Variants in MAP2K1 observed in about 807,000 individuals in gnomAD.
The protein encoded by MAP2K1 is mitogen-activated protein kinase kinase 1.
Under a neutral mutation model 46.3 loss-of-function variants are expected in MAP2K1, and 16 were observed. That is an observed-to-expected ratio of 0.35 (90% CI 0.23 to 0.52). The LOEUF is 0.52. Among genes scored for constraint, MAP2K1 ranks in the 20% least tolerant of loss-of-function variants. The pLI is 0.94. For missense variants in MAP2K1, 263 were observed against 497.1 expected (o/e 0.53, Z 4.48); for synonymous variants, 183 against 185.6 (o/e 0.99, Z 0.11).
chr15:66,483,212 A>T (rs986588788), intron 6 of MAP2K1, among the ~76,000 whole-genome samples: 2 of 152,124 alleles, frequency 1.3e-5, no homozygotes, highest in Non-Finnish European at 2.9e-5. Flanking sequence ...CAGTGTGAAC[A>T]CATCCTCATT....
At chr15:66,481,712 A>G in intron 5 of MAP2K1, 43 bp from the exon 6 acceptor site, 2 of 1,605,256 alleles carry the variant, frequency 1.2e-6, no homozygotes, top group Non-Finnish European at 1.7e-6. Context: ...TCCCCAATCT[A>G]CCTGTGTCAG....
intron 6 of MAP2K1, among the ~76,000 whole-genome samples, chr15:66,484,211 G>C (rs1205369854): frequency 6.7e-6 from 1 of 149,954 alleles, no homozygotes; most frequent in Non-Finnish European, 1.5e-5. Flanking sequence ...GCAGTGGTGC[G>C]ATCTTGGCTC....
At chr15:66,403,442 T>C (rs1363138178) in intron 1 of MAP2K1, among the ~76,000 whole-genome samples, 1 of 152,178 alleles carries the variant, frequency 6.6e-6, no homozygotes, top group Non-Finnish European at 1.5e-5. Context: ...GAGGGCCTAT[T>C]TTTAAGCTTC....
chr15:66,441,565 G>A (rs2093503713), intron 3 of MAP2K1, among the ~76,000 whole-genome samples: 1 of 152,068 alleles, frequency 6.6e-6, no homozygotes, highest in African/African-American at 2.4e-5. Flanking sequence ...CAACTACACG[G>A]AAGGCTGAGG....
At chr15:66,459,423 C>T (rs1203151130) in intron 5 of MAP2K1, among the ~76,000 whole-genome samples, 1 of 151,514 alleles carries the variant, frequency 6.6e-6, no homozygotes, top group Admixed American at 6.6e-5. Context: ...TCGAAAACAG[C>T]TTGACCAACA....
At position 66,408,817 on chromosome 15, in the gene MAP2K1, T is replaced by C. The variant is rs111895543; in HGVS notation, c.80+21390T>C. Among the ~76,000 whole-genome samples the C allele has an allele frequency of 9.0e-4, 137 of 152,292 alleles. 2 individuals are homozygous for C. Among genetic ancestry groups the C allele is most frequent in the Middle Eastern group, 3.4e-3 (1 of 294 alleles). On this transcript the variant is annotated intron_variant, in intron 1 of 10. Transcript: ENST00000307102. ...ACGTCAAAGCTCAACTTGGAGGTCA[T>C]GTCTTATGTAAATCCATCACAGACC... is the stretch of plus-strand genomic sequence containing the variant.
At chr15:66,433,881 A>C (rs546459115) in intron 1 of MAP2K1, among the ~76,000 whole-genome samples, 3 of 152,128 alleles carry the variant, frequency 2.0e-5, no homozygotes, top group South Asian at 2.1e-4. Flanking sequence ...CTGTTAACCA[A>C]CTCACAGGAG....
chr15:66,421,975 C>T (rs2093444869), intron 1 of MAP2K1, among the ~76,000 whole-genome samples: 1 of 151,394 alleles, frequency 6.6e-6, no homozygotes, highest in Non-Finnish European at 1.5e-5. Context: ...ATATCCTCAA[C>T]TACACAGCTG....
intron 1 of MAP2K1, among the ~76,000 whole-genome samples, chr15:66,430,253 T>A (rs1595858674): frequency 6.6e-6 from 1 of 152,158 alleles, no homozygotes; most frequent in Admixed American, 6.5e-5. Flanking sequence ...GCTTGCCAGA[T>A]GCCACAGGGG....
intron 7 of MAP2K1, 71 bp from the exon 8 acceptor site, chr15:66,487,157 C>A: frequency 7.5e-7 from 1 of 1,329,432 alleles, no homozygotes; most frequent in South Asian, 1.2e-5. Context: ...GGATCCATGC[C>A]CAACCCCTTG....
chr15:66,447,901 A>C (rs1293294661), intron 5 of MAP2K1, among the ~76,000 whole-genome samples: 2 of 151,812 alleles, frequency 1.3e-5, no homozygotes, highest in African/African-American at 2.4e-5. Context: ...CTATAATCCC[A>C]GCACTTTGGG....
chr15:66,436,678 G>A lies in MAP2K1; in HGVS notation c.292-68G>A, dbSNP rs2140582745. ...CTTAAAGAGCTTAAACATTTAACAA[G>A]ACTATATCTTTCATCCCTTCCTCCC... On this transcript the variant is annotated intron_variant, in intron 2 of 10. Coordinates refer to ENST00000307102, the MANE Select transcript of MAP2K1 (RefSeq NM_002755.4). The A allele has an allele frequency of 3.4e-6, 5 of 1,455,218 alleles. No homozygotes were observed. The South Asian group carries it at 4.6e-5, about 13-fold the overall frequency. The allele number at this position is 1,455,218 out of a possible 1,614,324, so 90.1% of individuals were successfully genotyped here.
At chr15:66,438,127 C>T (rs2093493718) in intron 3 of MAP2K1, among the ~76,000 whole-genome samples, 1 of 150,888 alleles carries the variant, frequency 6.6e-6, no homozygotes, top group African/African-American at 2.4e-5. Context: ...CGCCCTGTCA[C>T]CCAGGCTGGA....
At chr15:66,484,566 C>A (rs539721235) in intron 6 of MAP2K1, among the ~76,000 whole-genome samples, 36 of 152,212 alleles carry the variant, frequency 2.4e-4, no homozygotes, top group Non-Finnish European at 2.9e-5. Context: ...TCTATGTATC[C>A]ACGGCACCAC....
At chr15:66,455,914 T>C (rs1892155295) in intron 5 of MAP2K1, among the ~76,000 whole-genome samples, 1 of 152,186 alleles carries the variant, frequency 6.6e-6, no homozygotes, top group Non-Finnish European at 1.5e-5. Context: ...ACAATCTGTG[T>C]GGTTTAGCCT....
chr15:66,485,225 T>A (rs148028986), intron 7 of MAP2K1, 34 bp downstream of exon 7: 3 of 1,592,056 alleles, frequency 1.9e-6, no homozygotes, highest in African/African-American at 2.7e-5. Flanking sequence ...TCTTGGACTG[T>A]TGGAGGGGAG....
chr15:66,399,263 A>C (rs1325988141), intron 1 of MAP2K1, among the ~76,000 whole-genome samples: 1 of 152,130 alleles, frequency 6.6e-6, no homozygotes, highest in Non-Finnish European at 1.5e-5. Context: ...TATTCTTTCA[A>C]TTTTTCTGTA....
intron 1 of MAP2K1, among the ~76,000 whole-genome samples, chr15:66,431,080 CTG>C (rs963877639): frequency 6.6e-6 from 1 of 152,098 alleles, no homozygotes; most frequent in Non-Finnish European, 1.5e-5. Context: ...GGAGAGAGGG[CTG>C]TGTGTGTCAG....
chr15:66,395,733 C>T (rs930438112), intron 1 of MAP2K1, among the ~76,000 whole-genome samples: 14 of 150,630 alleles, frequency 9.3e-5, no homozygotes, highest in East Asian at 2.0e-4. Context: ...CACACCACCA[C>T]GCCGGGCTAA....
Sources: gnomAD v4.1 joint callset for allele counts (sites outside exome capture counted in the v4.1 genomes callset) on GRCh38, gnomAD v4.1.1 for gene constraint, MANE v1.5 for transcripts, NCBI Gene and HGNC (gene_info 2026-07-23, HGNC 2026-07-21) for gene names.